The following OR51G2 variants were observed in gnomAD, a reference collection of about 807,000 sequenced individuals.
OR51G2 encodes olfactory receptor family 51 subfamily G member 2, also known as olfactory receptor 51G2.
Under a neutral mutation model 11.8 loss-of-function variants are expected in OR51G2, and 13 were observed. The ratio of observed to expected loss-of-function variants is 1.10; its 90% CI spans 0.72 to 1.76. OR51G2 has a LOEUF of 1.76. OR51G2 is among the 40% of genes most tolerant of loss of function. The pLI is 0.00. For synonymous variants in OR51G2, 178 were observed against 151.9 expected (o/e 1.17, Z -1.26); for missense variants, 474 against 394.4 (o/e 1.20, Z -1.71).
chr11:4,914,695 C>G lies in OR51G2; in HGVS notation c.*24G>C. The G allele has an allele frequency of 6.5e-7, 1 of 1,536,748 alleles. No individual in the cohort carries two copies. The highest frequency in any genetic ancestry group is 9.0e-7 in the Non-Finnish European group (1 of 1,116,278). Reference sequence around the variant, plus strand: ...GCAAACAAGGGCACGTTTCAGGAGACAGTGGCTCTAACACTAGACACAGTT... The same window carrying G: ...GCAAACAAGGGCACGTTTCAGGAGAGAGTGGCTCTAACACTAGACACAGTT... On this transcript the variant is annotated 3_prime_UTR_variant, in exon 2 of 2. Coordinates refer to ENST00000641926, the MANE Select transcript of OR51G2 (RefSeq NM_001005238.2).
rs892574974 is a variant in OR51G2, at chr11:4,914,381, T to A, written c.*338A>T. On this transcript the variant is annotated 3_prime_UTR_variant, in exon 2 of 2. Coordinates refer to ENST00000641926, the MANE Select transcript of OR51G2 (RefSeq NM_001005238.2). ...GATACATGGGCTATTTCCACAATACTCAATTCATGAGGCATTTACAAATTC... is the reference window on the plus strand; with the variant it reads ...GATACATGGGCTATTTCCACAATACACAATTCATGAGGCATTTACAAATTC... 4.8e-6 allele frequency: 1 copy of A among 208,856 alleles called. No individual in the cohort carries two copies. Among genetic ancestry groups the A allele is most frequent in the East Asian group, 1.1e-4 (1 of 9,026 alleles). 12.9% of individuals were successfully genotyped at this position (208,856 alleles called of 1,614,324 possible). A position where few individuals can be genotyped will look rare whatever the true frequency, so the allele number is the denominator to read the frequency against.
In OR51G2 at chr11:4,914,792, A is replaced by C; in HGVS notation, c.872T>G (p.Val291Gly). The C allele has an allele frequency of 3.1e-6, 5 of 1,614,020 alleles. No individual in the cohort carries two copies. Among genetic ancestry groups the C allele is most frequent in the Non-Finnish European group, 4.2e-6 (5 of 1,179,978 alleles). ...CACACTGTAGACAATGGGATTCATC[A>C]CAGGAGGAAAGAGAAGATACATGAA... is the stretch of plus-strand genomic sequence containing the variant. ...MGFMYLLFPP[V>G]MNPIVYSVKT... The change falls in exon 2 of 2, where the codon GTG becomes GGG. Residue 291 changes from valine (V) to glycine (G), a missense_variant. Physicochemically the swap from Val to Gly is moderately radical, Grantham distance 109. Transcript: ENST00000641926.
rs1006460894 is a variant in OR51G2 at position 4,912,621 on chromosome 11, T to C, written c.*2098A>G. 1 of 152,148 alleles carries C rather than the reference T, an allele frequency of 6.6e-6. No individual in the cohort carries two copies. The highest frequency in any genetic ancestry group is 1.5e-5 in the Non-Finnish European group (1 of 68,034). The allele number at this position is 152,148 out of a possible 1,614,324, so 9.4% of individuals were successfully genotyped here. A position where few individuals can be genotyped will look rare whatever the true frequency, so the allele number is the denominator to read the frequency against. On this transcript the variant is annotated 3_prime_UTR_variant, in exon 2 of 2. Coordinates refer to ENST00000641926, the MANE Select transcript of OR51G2 (RefSeq NM_001005238.2). ...CATGTTAATACACACAATTCACATA[T>C]ACACATTGTAAAAATAAGAAATTCA... is the stretch of plus-strand genomic sequence containing the variant.
At position 4,915,529 on chromosome 11, in the gene OR51G2, C is replaced by G. The variant is rs554121981; in HGVS notation, c.135G>C (p.Pro45=). Residue 45 remains proline (P), a synonymous_variant, in exon 2 of 2, where the codon CCG becomes CCC. Coordinates refer to ENST00000641926, the MANE Select transcript of OR51G2 (RefSeq NM_001005238.2). ...PLCFMYLVSI[P]GNCTILFIIK... ...TGATAAAAAGAATTGTGCAGTTGCC[C>G]GGGATGGAAACCAGATACATGAAGC... 8.7e-6 allele frequency: 14 copies of G among 1,613,896 alleles called. No homozygotes were observed. The highest frequency in any genetic ancestry group is 1.2e-5 in the Non-Finnish European group (14 of 1,180,000).
chr11:4,918,994 C>T (rs920827097), intron 1 of OR51G2, among the ~76,000 whole-genome samples, 183 bp downstream of exon 1: 7 of 152,218 alleles, frequency 4.6e-5, no homozygotes, highest in Non-Finnish European at 8.8e-5. Flanking sequence ...TTTTGCCCAC[C>T]TAACTTGCTT....
chr11:4,917,898 T>C (rs948029980), intron 1 of OR51G2, among the ~76,000 whole-genome samples: 2 of 151,954 alleles, frequency 1.3e-5, no homozygotes, highest in African/African-American at 2.4e-5. Context: ...TACTCTTCAG[T>C]AATTCTATTT....
chr11:4,916,107 A>C (rs1851086875), intron 1 of OR51G2, among the ~76,000 whole-genome samples: 1 of 151,810 alleles, frequency 6.6e-6, no homozygotes, highest in Admixed American at 6.6e-5. Flanking sequence ...TCATGAGGTC[A>C]GGAGGTTGAG....
rs61747513 is a variant in OR51G2 at position 4,915,171 on chromosome 11, G to A, written c.493C>T (p.Pro165Ser). ...TAGGGGAATCTTTTGAGCATAAAAG[G>A]TAATGGAAAAATGAGTGCTACACTA... ...GRSVALIFPL[P>S]FMLKRFPYCG... The change falls in exon 2 of 2, where the codon CCT becomes TCT. Residue 165 changes from proline to serine, a missense_variant. By Grantham distance (74) the Pro-to-Ser change is moderately conservative (BLOSUM62 -1). Transcript: ENST00000641926. 7.5e-3 allele frequency: 12,042 copies of A among 1,614,004 alleles called. 763 individuals are homozygous for A. In the African/African-American group the frequency reaches 0.14, roughly 19 times the overall value.
Position 4,915,491 on chromosome 11 carries a change from C to A in OR51G2, c.173G>T (p.Arg58Leu). The A allele has an allele frequency of 1.9e-6, 3 of 1,613,998 alleles. No individual in the cohort carries two copies. The highest frequency in any genetic ancestry group is 1.7e-6 in the Non-Finnish European group (2 of 1,180,000). Residue 58 changes from arginine to leucine, a missense_variant, in exon 2 of 2, where the codon CGC becomes CTC. Coordinates refer to ENST00000641926, the MANE Select transcript of OR51G2 (RefSeq NM_001005238.2). ...CTILFIIKTE[R>L]SLHEPMYLFL... ...GAGATACATAGGTTCATGAAGTGAG[C>A]GCTCTGTTTTAATGATAAAAAGAAT...
Position 4,914,544 on chromosome 11 carries a change from A to ACC in OR51G2, c.*173_*174dup, listed in dbSNP as rs11318208. 9.8e-5 allele frequency: 53 copies of ACC among 541,200 alleles called. No individual in the cohort carries two copies. Among genetic ancestry groups the ACC allele is most frequent in the African/African-American group, 1.9e-4 (10 of 52,480 alleles). 33.5% of individuals were successfully genotyped at this position (541,200 alleles called of 1,614,324 possible). On this transcript the variant is annotated 3_prime_UTR_variant, in exon 2 of 2. Transcript: ENST00000641926. Reference sequence around the variant, plus strand: ...AATTTACCACATCATATTACATTTTACCCCCCCCTGCCCTGGCCACAACAG... The same window carrying ACC: ...AATTTACCACATCATATTACATTTTACCCCCCCCCCTGCCCTGGCCACAACAG...
At chr11:4,917,139 G>A (rs1340107128) in intron 1 of OR51G2, among the ~76,000 whole-genome samples, 1 of 92,572 alleles carries the variant, frequency 1.1e-5, no homozygotes, top group African/African-American at 4.3e-5. Flanking sequence ...GTACGCAGCA[G>A]ATGCCAAGAA....
Position 4,915,274 on chromosome 11 carries a change from A to T in OR51G2, c.390T>A (p.Ala130=). ...LLSMAFDRFV[A]ICHPLHYVSI... ...AAACATAGTGCAAGGGGTGGCAGATAGCCACAAAGCGGTCAAAGGCCATAG... is the reference window on the plus strand; with the variant it reads ...AAACATAGTGCAAGGGGTGGCAGATTGCCACAAAGCGGTCAAAGGCCATAG... The change falls in exon 2 of 2, where the codon GCT becomes GCA. Residue 130 remains alanine, a synonymous_variant. Transcript: ENST00000641926. 1 of 1,614,064 alleles carries T rather than the reference A, an allele frequency of 6.2e-7. No individual in the cohort carries two copies. The highest frequency in any genetic ancestry group is 8.5e-7 in the Non-Finnish European group (1 of 1,180,026).
At chr11:4,916,519 G>GTTT (rs1851095258) in intron 1 of OR51G2, among the ~76,000 whole-genome samples, 1 of 151,400 alleles carries the variant, frequency 6.6e-6, no homozygotes, top group Non-Finnish European at 1.5e-5. Context: ...TATAGTTTTA[G>GTTT]TTTTTTTCTT....
rs1851060547 is a variant in OR51G2, at chr11:4,915,165, TA to T, written c.498del (p.Phe166LeufsTer24). On this transcript the variant is annotated frameshift_variant, in exon 2 of 2. Coordinates refer to ENST00000641926, the MANE Select transcript of OR51G2 (RefSeq NM_001005238.2). LOFTEE classifies it high-confidence loss of function. ...CCACAATAGGGGAATCTTTTGAGCA[TA>T]AAAGGTAATGGAAAAATGAGTGCTA... is the stretch of plus-strand genomic sequence containing the variant. Reference protein sequence around the residue: ...RSVALIFPLPFMLKRFPYCGS... With the variant: ...RSVALIFPLPXMLKRFPYCGS... The T allele has an allele frequency of 6.2e-7, 1 of 1,613,622 alleles. No individual in the cohort carries two copies. Among genetic ancestry groups the T allele is most frequent in the Non-Finnish European group, 8.5e-7 (1 of 1,179,946 alleles).
In OR51G2 at chr11:4,915,432, G is replaced by T; in HGVS notation, c.232C>A (p.Leu78Ile). Residue 78 changes from leucine to isoleucine, a missense_variant, in exon 2 of 2, where the codon CTC (leucine) becomes ATC (isoleucine). Coordinates refer to ENST00000641926, the MANE Select transcript of OR51G2 (RefSeq NM_001005238.2). ...ACTGTAGGGAGAGTGCAAAGGGAGA[G>T]ACCCAGGTCAATCAGAGCCAGCATG... ...LSMLALIDLGLSLCTLPTVLG... is the reference protein window; with the variant it reads ...LSMLALIDLGISLCTLPTVLG... 6.2e-7 allele frequency: 1 copy of T among 1,614,070 alleles called. No individual in the cohort carries two copies. The highest frequency in any genetic ancestry group is 8.5e-7 in the Non-Finnish European group (1 of 1,179,988).
chr11:4,916,410 A>AC (rs1206018285), intron 1 of OR51G2, among the ~76,000 whole-genome samples: 1 of 150,214 alleles, frequency 6.7e-6, no homozygotes, highest in African/African-American at 2.5e-5. Context: ...TGGAAAAAAA[A>AC]AGTCCTCACA....
At position 4,915,049 on chromosome 11, in the gene OR51G2, CA is replaced by C. The variant is rs778954984; in HGVS notation, c.614del (p.Met205SerfsTer10). The stretch of plus-strand genomic sequence containing the variant: ...TACCCACTGTAGAGACGATGACAAA[CA>C]TGCCGTAGATGCTGTTGGCCTTCAT... ...ADMKANSIYG[M>X]FVIVSTVGID... On this transcript the variant is annotated frameshift_variant, in exon 2 of 2. Transcript: ENST00000641926. LOFTEE classifies it high-confidence loss of function. The C allele has an allele frequency of 6.2e-6, 10 of 1,613,962 alleles. No individual in the cohort carries two copies. The Admixed American group carries it at 1.7e-4, about 27-fold the overall frequency.
Position 4,915,469 on chromosome 11 carries a change from A to G in OR51G2, c.195T>C (p.Tyr65=), listed in dbSNP as rs757360239. 6.2e-7 allele frequency: 1 copy of G among 1,614,122 alleles called. No homozygotes were observed. The highest frequency in any genetic ancestry group is 1.7e-5 in the Admixed American group (1 of 60,020). ...KTERSLHEPM[Y]LFLSMLALID... ...TCAGAGCCAGCATGGACAGGAAGAG[A>G]TACATAGGTTCATGAAGTGAGCGCT... The change falls in exon 2 of 2, where the codon TAT becomes TAC. Residue 65 remains tyrosine, a synonymous_variant. Coordinates refer to ENST00000641926, the MANE Select transcript of OR51G2 (RefSeq NM_001005238.2).
At position 4,913,846 on chromosome 11, in the gene OR51G2, G is replaced by C. The variant is rs927518387; in HGVS notation, c.*873C>G. On this transcript the variant is annotated 3_prime_UTR_variant, in exon 2 of 2. Coordinates refer to ENST00000641926, the MANE Select transcript of OR51G2 (RefSeq NM_001005238.2). ...TTGTCTCCTTCCTCTTACAGTTTTT[G>C]ACTGCCTAATGCCTACATTTCCCTT... 1 of 151,974 alleles carries C rather than the reference G, an allele frequency of 6.6e-6. No homozygotes were observed. The highest frequency in any genetic ancestry group is 2.4e-5 in the African/African-American group (1 of 41,370). The allele number at this position is 151,974 out of a possible 1,614,324, so 9.4% of individuals were successfully genotyped here.
Sources: allele counts gnomAD v4.1 joint callset (sites outside exome capture counted in the v4.1 genomes callset), GRCh38; gene constraint gnomAD v4.1.1; transcripts MANE v1.5; gene names NCBI Gene and HGNC (gene_info 2026-07-23, HGNC 2026-07-21).